TMEM217B: variants seen among roughly 807,000 people sequenced by gnomAD.
TMEM217B encodes the protein transmembrane protein 217B, also known as putative transmembrane protein 217B.
At chr6:37,218,848 G>A in the TMEM217B span, 1 of 1,614,204 alleles carries the variant, frequency 6.2e-7, no homozygotes, top group South Asian at 1.1e-5. Context: ...AACTCCAGCA[G>A]ATGATGAAGT....
the TMEM217B span, among the ~76,000 whole-genome samples, chr6:37,232,395 C>T: frequency 2.8e-3 from 419 of 152,264 alleles, 2 homozygotes; most frequent in African/African-American, 9.3e-3. Flanking sequence ...GTTTTGTTTT[C>T]TTTTTTTTGA....
chr6:37,219,668 G>T, the TMEM217B span, among the ~76,000 whole-genome samples: 4 of 152,134 alleles, frequency 2.6e-5, no homozygotes, highest in South Asian at 6.2e-4. Context: ...GGAAGTCAAG[G>T]CTGCAGTGAG....
the TMEM217B span, among the ~76,000 whole-genome samples, chr6:37,255,659 G>A: frequency 6.6e-6 from 1 of 151,700 alleles, no homozygotes; most frequent in African/African-American, 2.4e-5. Flanking sequence ...ACTCCAGCTT[G>A]GGTGACAGGG....
chr6:37,231,226 ATTTTTTTTT>A, the TMEM217B span, among the ~76,000 whole-genome samples: 2 of 87,448 alleles, frequency 2.3e-5, no homozygotes, highest in African/African-American at 4.6e-5. Flanking sequence ...TGCCTGGCTA[ATTTTTTTTT>A]TTTTTTTTTT....
chr6:37,235,062 ATGGT>A, the TMEM217B span, among the ~76,000 whole-genome samples: 1 of 152,222 alleles, frequency 6.6e-6, no homozygotes, highest in Non-Finnish European at 1.5e-5. Context: ...TAACTGCAAA[ATGGT>A]TAAAGCTGGC....
chr6:37,217,230 G>A, the TMEM217B span, among the ~76,000 whole-genome samples: 1 of 152,208 alleles, frequency 6.6e-6, no homozygotes, highest in Admixed American at 6.5e-5. Context: ...GGAGGCGGGG[G>A]TTGCAGTGAG....
the TMEM217B span, among the ~76,000 whole-genome samples, chr6:37,229,504 G>A: frequency 6.8e-3 from 1,032 of 151,528 alleles, 9 homozygotes; most frequent in African/African-American, 0.022. Flanking sequence ...CACCACGCCC[G>A]GCTAATTTTT....
At chr6:37,213,914 C>T in the TMEM217B span, among the ~76,000 whole-genome samples, 289 of 152,332 alleles carry the variant, frequency 1.9e-3, 2 homozygotes, top group African/African-American at 6.1e-3. Flanking sequence ...GGCACAGTCA[C>T]ACATTAGGAG....
At chr6:37,226,361 T>C in the TMEM217B span, among the ~76,000 whole-genome samples, 8 of 141,714 alleles carry the variant, frequency 5.6e-5, no homozygotes, top group African/African-American at 1.0e-4. Flanking sequence ...GGCGCTATCT[T>C]GGCTCACTGC....
the TMEM217B span, among the ~76,000 whole-genome samples, chr6:37,228,006 A>G: frequency 6.6e-6 from 1 of 152,202 alleles, no homozygotes; most frequent in African/African-American, 2.4e-5. Context: ...CATTTGCTCT[A>G]TCAAGTGAGA....
chr6:37,232,399 T>TG, the TMEM217B span, among the ~76,000 whole-genome samples: 404 of 152,336 alleles, frequency 2.7e-3, 3 homozygotes, highest in African/African-American at 9.0e-3. Context: ...TGTTTTCTTT[T>TG]TTTTGAGACG....
At chr6:37,249,672 T>C in the TMEM217B span, among the ~76,000 whole-genome samples, 1 of 152,206 alleles carries the variant, frequency 6.6e-6, no homozygotes, top group African/African-American at 2.4e-5. Flanking sequence ...TACTTTTCTG[T>C]TTCCTGTTCA....
chr6:37,247,119 G>A, the TMEM217B span, among the ~76,000 whole-genome samples: 1 of 152,264 alleles, frequency 6.6e-6, no homozygotes, highest in East Asian at 1.9e-4. Context: ...AGAGGAAAAG[G>A]TAACATAAGA....
the TMEM217B span, chr6:37,257,697 C>A: frequency 9.2e-6 from 5 of 543,442 alleles, no homozygotes; most frequent in Admixed American, 1.8e-4. Context: ...TGCAGGATTC[C>A]GGCTCCCAAT....
the TMEM217B span, among the ~76,000 whole-genome samples, chr6:37,252,113 G>A: frequency 6.6e-6 from 1 of 152,166 alleles, no homozygotes; most frequent in Non-Finnish European, 1.5e-5. Flanking sequence ...GGCCGGTCTC[G>A]AACTCCTGAC....
chr6:37,215,508 T>C, the TMEM217B span, among the ~76,000 whole-genome samples: 1 of 130,244 alleles, frequency 7.7e-6, no homozygotes, highest in Admixed American at 9.6e-5. Flanking sequence ...GAGGTAGAGG[T>C]TGCAGTGAGC....
At chr6:37,240,322 A>C in the TMEM217B span, among the ~76,000 whole-genome samples, 5 of 152,182 alleles carry the variant, frequency 3.3e-5, no homozygotes, top group Non-Finnish European at 7.4e-5. Flanking sequence ...TAAAGGCTCT[A>C]CTTGTGGGAG....
At chr6:37,233,218 TC>T in the TMEM217B span, among the ~76,000 whole-genome samples, 56 of 152,124 alleles carry the variant, frequency 3.7e-4, no homozygotes, top group African/African-American at 1.3e-3. Flanking sequence ...TCTACCCATT[TC>T]CCCATGTACC....
At chr6:37,218,206 G>A in the TMEM217B span, 1 of 1,249,094 alleles carries the variant, frequency 8.0e-7, no homozygotes, top group African/African-American at 1.6e-5. Flanking sequence ...GTCTTACTCT[G>A]TCACTCAGGC....
Sources: allele counts gnomAD v4.1 joint callset (sites outside exome capture counted in the v4.1 genomes callset), GRCh38; gene constraint gnomAD v4.1.1; transcripts MANE v1.5; gene names NCBI Gene and HGNC (gene_info 2026-07-23, HGNC 2026-07-21).